CENPN: variants seen among roughly 807,000 people sequenced by gnomAD.
CENPN encodes centromere protein N, also known as interphase centromere complex protein 32.
In CENPN, 36 loss-of-function variants were observed where a neutral mutation model predicts 48.6. The ratio of observed to expected loss-of-function variants is 0.74; its 90% confidence interval spans 0.57 to 0.98. The LOEUF is 0.98. CENPN is among the 50% of genes least tolerant of loss of function. CENPN has a pLI of 0.00. For synonymous variants in CENPN, 166 were observed against 135.2 expected (o/e 1.23, Z -1.58); for missense variants, 439 against 399.2 (o/e 1.10, Z -0.85).
At chr16:81,014,115 A>C (rs754908492) in intron 2 of CENPN, 21 bp from the exon 3 acceptor site, 2 of 1,608,950 alleles carry the variant, frequency 1.2e-6, no homozygotes, top group Non-Finnish European at 8.5e-7. Flanking sequence ...CAGTTACTAA[A>C]TAATTTGTTT....
rs1970681415 is a variant in CENPN at position 81,029,724 on chromosome 16, A to G, written c.*1073A>G. 6.6e-6 allele frequency among the ~76,000 whole-genome samples: 1 copy of G among 152,048 alleles called. No homozygotes were observed. Among genetic ancestry groups the G allele is most frequent in the Non-Finnish European group, 1.5e-5 (1 of 67,972 alleles). ...TGAGTAGCTGGGACTACAGGCCTGC[A>G]CCACCATGCCCAGCTAATTTTTGTA... is the stretch of plus-strand genomic sequence containing the variant. On this transcript the variant is annotated 3_prime_UTR_variant, in exon 11 of 11. Coordinates refer to ENST00000305850, the MANE Select transcript of CENPN (RefSeq NM_001100624.3).
chr16:81,022,454 G>A (rs545775398), intron 6 of CENPN, 143 bp from the exon 7 acceptor site: 1 of 662,856 alleles, frequency 1.5e-6, no homozygotes, highest in East Asian at 2.7e-5. Flanking sequence ...CTCAGTAACA[G>A]GCTATCAGAT....
downstream of CENPN, among the ~76,000 whole-genome samples, chr16:81,031,956 G>C (rs1970796992): frequency 6.6e-6 from 1 of 152,242 alleles, no homozygotes; most frequent in East Asian, 1.9e-4. Flanking sequence ...TGTTTCATTT[G>C]TGAAACTACT....
chr16:81,012,887 G>A (rs954563894), intron 2 of CENPN, among the ~76,000 whole-genome samples: 6 of 152,190 alleles, frequency 3.9e-5, no homozygotes, highest in Non-Finnish European at 1.5e-5. Context: ...GAGCCACCAT[G>A]CCTGGCCTCC....
In CENPN at chr16:81,029,118, T is replaced by C; in HGVS notation, c.*467T>C. 1 of 985,770 alleles carries C rather than the reference T, an allele frequency of 1.0e-6. No individual in the cohort carries two copies. The highest frequency in any genetic ancestry group is 1.2e-6 in the Non-Finnish European group (1 of 830,200). 61.1% of individuals were successfully genotyped at this position (985,770 alleles called of 1,614,324 possible). On this transcript the variant is annotated 3_prime_UTR_variant, in exon 11 of 11. Coordinates refer to ENST00000305850, the MANE Select transcript of CENPN (RefSeq NM_001100624.3). ...AACTCAAAACTTTTTAGGAGAATCA[T>C]GAAATTGGTCTATTCAAAGGATGGA...
At position 81,012,572 on chromosome 16, in the gene CENPN, G is replaced by A. The variant is rs1041748374; in HGVS notation, c.171+462G>A. 3.3e-5 allele frequency among the ~76,000 whole-genome samples: 5 copies of A among 151,968 alleles called. No individual in the cohort carries two copies. In the South Asian group the frequency reaches 6.2e-4, roughly 19 times the overall value. On this transcript the variant is annotated intron_variant, in intron 2 of 10. Transcript: ENST00000305850. ...ATAATTTTCTTATTCCAATATACCC[G>A]TCTCTCCTTCACTTTTATTTATTTA...
downstream of CENPN, chr16:81,032,785 G>A: frequency 3.0e-6 from 4 of 1,329,726 alleles, no homozygotes; most frequent in Non-Finnish European, 4.1e-6. Context: ...ACTAATGCAG[G>A]CCTCCTTGTT....
chr16:81,012,746 C>T (rs980059961), intron 2 of CENPN, among the ~76,000 whole-genome samples: 13 of 152,170 alleles, frequency 8.5e-5, no homozygotes, highest in African/African-American at 2.7e-4. Context: ...CAGGCACGCA[C>T]CACCACACTG....
Position 81,028,630 on chromosome 16 carries a change from T to G in CENPN, c.999T>G (p.Tyr333Ter). ...GCATACCCAACAAGAGAATGAATTA[T>G]TTTAAAATTAGAGATAAATAAGACG... is the stretch of plus-strand genomic sequence containing the variant. The part of the protein sequence containing the change: ...LTCIPNKRMN[Y>*]FKIRDK Residue 333 changes from tyrosine to a stop codon, truncating the protein, a stop_gained, in exon 11 of 11, where the codon TAT (tyrosine) becomes TAG (stop). Transcript: ENST00000305850. LOFTEE classifies it high-confidence loss of function. 6.2e-7 allele frequency: 1 copy of G among 1,612,350 alleles called. No homozygotes were observed. Among genetic ancestry groups the G allele is most frequent in the Non-Finnish European group, 8.5e-7 (1 of 1,179,668 alleles).
chr16:81,014,207 A>G (rs1261214898), intron 3 of CENPN, 26 bp downstream of exon 3: 1 of 1,598,900 alleles, frequency 6.3e-7, no homozygotes, highest in Non-Finnish European at 8.6e-7. Flanking sequence ...TTGTATTTAT[A>G]CTTAACCAAT....
In CENPN at chr16:81,017,310, T is replaced by G. The variant is rs1460293738; in HGVS notation, c.218-16T>G. On this transcript the variant is annotated splice_polypyrimidine_tract_variant and intron_variant, in intron 3 of 10. Transcript: ENST00000305850. The stretch of plus-strand genomic sequence containing the variant: ...TCTATGATATGCTAGTAATAAAGCT[T>G]TCTTCCCTCTCTCAGATATGCAATT... 6.4e-7 allele frequency: 1 copy of G among 1,568,412 alleles called. No individual in the cohort carries two copies.
intron 3 of CENPN, 87 bp from the exon 4 acceptor site, chr16:81,017,235 TTCCC>T (rs1969968840): frequency 4.8e-6 from 4 of 838,190 alleles, no homozygotes; most frequent in South Asian, 4.7e-5. Context: ...TACTGTTACT[TTCCC>T]CAGTTTTAAA....
At chr16:81,025,691 CT>C (rs1175806121) in intron 8 of CENPN, among the ~76,000 whole-genome samples, 2 of 9,170 alleles carry the variant, frequency 2.2e-4, no homozygotes, top group African/African-American at 2.8e-4. Context: ...CCCTGTCTCT[CT>C]TTTTTTTTTT....
intron 6 of CENPN, among the ~76,000 whole-genome samples, chr16:81,021,284 A>T (rs892620292): frequency 3.3e-5 from 5 of 152,068 alleles, no homozygotes; most frequent in Non-Finnish European, 7.4e-5. Context: ...GCTTCTCTTT[A>T]TGGTTCTGCC....
intron 5 of CENPN, among the ~76,000 whole-genome samples, chr16:81,018,484 A>G (rs898855363): frequency 3.9e-5 from 6 of 151,952 alleles, no homozygotes; most frequent in Non-Finnish European, 7.4e-5. Context: ...TGAATTTTTA[A>G]TCTTTTTAAA....
At chr16:81,008,094 G>A (rs1969539911) in intron 1 of CENPN, among the ~76,000 whole-genome samples, 1 of 152,082 alleles carries the variant, frequency 6.6e-6, no homozygotes, top group Non-Finnish European at 1.5e-5. Context: ...GCGACAAAGC[G>A]AGACTGTGTC....
At chr16:81,017,530 A>G in intron 4 of CENPN, 145 bp downstream of exon 4, 1 of 699,754 alleles carries the variant, frequency 1.4e-6, no homozygotes, top group Non-Finnish European at 2.5e-6. Flanking sequence ...AAATAGCAGT[A>G]TGTTCCTCAT....
In CENPN at chr16:81,030,558, A is replaced by G. The variant is rs1023650404; in HGVS notation, c.*1907A>G. On this transcript the variant is annotated 3_prime_UTR_variant, in exon 11 of 11. Transcript: ENST00000305850. ...GAGGTCAGGAGTTCGAGACCAGCCT[A>G]GCCAACATGGCAAAACCTTGTCTCT... 6 of 222,664 alleles carry G rather than the reference A, an allele frequency of 2.7e-5. No homozygotes were observed. In the South Asian group the frequency reaches 6.5e-4, roughly 24 times the overall value. The allele number at this position is 222,664 out of a possible 1,614,324, so 13.8% of individuals were successfully genotyped here.
chr16:81,011,109 G>T (rs968229749), intron 1 of CENPN, among the ~76,000 whole-genome samples: 3 of 152,142 alleles, frequency 2.0e-5, no homozygotes, highest in African/African-American at 7.2e-5. Context: ...GCTGTCCCCT[G>T]ACTGGAGGCC....
Sources: gnomAD v4.1 joint callset for allele counts (sites outside exome capture counted in the v4.1 genomes callset) on GRCh38, gnomAD v4.1.1 for gene constraint, MANE v1.5 for transcripts, NCBI Gene and HGNC (gene_info 2026-07-23, HGNC 2026-07-21) for gene names.